The following PLCL2 variants were observed in gnomAD, a reference collection of about 807,000 sequenced individuals.
PLCL2 encodes the protein phospholipase C like 2, also known as inactive phospholipase C-like protein 2.
A neutral mutation model predicts 79.6 loss-of-function variants in PLCL2; 4 were observed. That is an observed-to-expected ratio of 0.05 (90% CI 0.02 to 0.11). PLCL2 has a LOEUF of 0.11. PLCL2 is among the 10% of genes least tolerant of loss of function. The pLI is 1.00. For synonymous variants in PLCL2, 484 were observed against 457.7 expected (o/e 1.06, Z -0.73); for missense variants, 895 against 1,291.0 (o/e 0.69, Z 4.70).
chr3:17,016,784 T>C (rs540905445), intron 3 of PLCL2, among the ~76,000 whole-genome samples: 1 of 149,510 alleles, frequency 6.7e-6, no homozygotes, highest in South Asian at 2.1e-4. Flanking sequence ...TTATAAACGC[T>C]TTTTAAGCAT....
At chr3:17,051,474 A>G (rs1407393374) in intron 4 of PLCL2, among the ~76,000 whole-genome samples, 1 of 152,228 alleles carries the variant, frequency 6.6e-6, no homozygotes, top group African/African-American at 2.4e-5. Context: ...ATTTAAAAAA[A>G]CCATTGAGGA....
intron 1 of PLCL2, among the ~76,000 whole-genome samples, chr3:16,989,888 A>G (rs1421789778): frequency 6.6e-6 from 1 of 152,224 alleles, no homozygotes; most frequent in Non-Finnish European, 1.5e-5. Context: ...AATAGTAGTA[A>G]TGCTGAAACC....
At chr3:17,024,650 A>G (rs2064495016) in intron 3 of PLCL2, among the ~76,000 whole-genome samples, 1 of 152,198 alleles carries the variant, frequency 6.6e-6, no homozygotes, top group South Asian at 2.1e-4. Flanking sequence ...CATGTGTGGT[A>G]ATTTGTATGT....
At chr3:16,938,373 T>C (rs1254491139) in intron 1 of PLCL2, among the ~76,000 whole-genome samples, 1 of 152,190 alleles carries the variant, frequency 6.6e-6, no homozygotes, top group African/African-American at 2.4e-5. Context: ...AGTAGTATTA[T>C]AGAAAACAAG....
chr3:16,895,122 T>TTCAACATATATCTATATC (rs1696448010), intron 1 of PLCL2, among the ~76,000 whole-genome samples: 5 of 152,040 alleles, frequency 3.3e-5, no homozygotes, highest in Admixed American at 6.5e-5. Context: ...AGATATATGT[T>TTCAACATATATCTATATC]GAAACATGTA....
rs750784609 is a variant in PLCL2, at chr3:17,010,994, G to A, written c.1648G>A (p.Val550Ile). 6.2e-7 allele frequency: 1 copy of A among 1,613,914 alleles called. No homozygotes were observed. The highest frequency in any genetic ancestry group is 1.7e-5 in the Admixed American group (1 of 60,006). Reference protein sequence around the residue: ...GDKLYTTSPNVEESYLPSPDV... With the variant: ...GDKLYTTSPNIEESYLPSPDV... ...CAAGCTCTATACAACATCACCCAAT[G>A]TTGAGGAATCTTATCTACCATCCCC... Residue 550 changes from valine (V) to isoleucine (I), a missense_variant, in exon 2 of 6, where the codon GTT becomes ATT. This residue lies in a region of PLCL2 where 242 missense variants were observed against 399.5 expected (regional missense o/e 0.61). Transcript: ENST00000615277. This position sits in a 1 kb window ranked among gnomAD's most constrained non-coding sequence, Gnocchi z 5.8.
At chr3:17,084,464 A>C (rs2065195566) in intron 5 of PLCL2, among the ~76,000 whole-genome samples, 1 of 152,224 alleles carries the variant, frequency 6.6e-6, no homozygotes, top group South Asian at 2.1e-4. Flanking sequence ...ACCAAACCAA[A>C]GACATTACAA....
At chr3:17,075,359 A>G (rs2065098889) in intron 5 of PLCL2, among the ~76,000 whole-genome samples, 1 of 152,184 alleles carries the variant, frequency 6.6e-6, no homozygotes, top group African/African-American at 2.4e-5. Context: ...TGGTGCCCCA[A>G]AATAATTAGT....
At chr3:16,959,195 T>C (rs1230148542) in intron 1 of PLCL2, among the ~76,000 whole-genome samples, 1 of 152,200 alleles carries the variant, frequency 6.6e-6, no homozygotes, top group Non-Finnish European at 1.5e-5. Context: ...CAGGCTTCCC[T>C]GTTGTAATAT....
At chr3:17,018,638 T>TCATA (rs2064412049) in intron 3 of PLCL2, among the ~76,000 whole-genome samples, 1 of 152,218 alleles carries the variant, frequency 6.6e-6, no homozygotes, top group South Asian at 2.1e-4. Context: ...CATGATTATA[T>TCATA]CATACATCAT....
At chr3:16,994,934 G>T (rs1246640595) in intron 1 of PLCL2, among the ~76,000 whole-genome samples, 1 of 152,260 alleles carries the variant, frequency 6.6e-6, no homozygotes, top group African/African-American at 2.4e-5. Context: ...GAGTATGGAA[G>T]AGGCAAGAGC....
intron 3 of PLCL2, among the ~76,000 whole-genome samples, chr3:17,034,335 C>T (rs1404710077): frequency 6.6e-6 from 1 of 151,592 alleles, no homozygotes; most frequent in African/African-American, 2.4e-5. Context: ...GCTCTGGCCA[C>T]CTTTGATAAG....
intron 1 of PLCL2, among the ~76,000 whole-genome samples, chr3:17,001,588 A>C (rs1397641483): frequency 6.6e-6 from 1 of 152,148 alleles, no homozygotes; most frequent in Non-Finnish European, 1.5e-5. Flanking sequence ...TGGTTTTCCT[A>C]GCACTGTTTA....
At chr3:17,069,733 C>A (rs1016210639) in intron 5 of PLCL2, among the ~76,000 whole-genome samples, 4 of 152,160 alleles carry the variant, frequency 2.6e-5, no homozygotes, top group African/African-American at 9.7e-5. Flanking sequence ...AGGTATCTTC[C>A]AAAGCTAGTC....
chr3:16,961,839 A>T (rs1243390830), intron 1 of PLCL2, among the ~76,000 whole-genome samples: 1 of 152,174 alleles, frequency 6.6e-6, no homozygotes, highest in East Asian at 1.9e-4. Context: ...CCCAGGACCC[A>T]AGGGGGCAAA....
At chr3:16,951,298 T>C (rs954040803) in intron 1 of PLCL2, among the ~76,000 whole-genome samples, 1 of 152,152 alleles carries the variant, frequency 6.6e-6, no homozygotes, top group African/African-American at 2.4e-5. Context: ...TTAATTTTGG[T>C]AATTATATCT....
chr3:17,014,896 A>G lies in PLCL2; in HGVS notation c.3003A>G (p.Val1001=). The G allele has an allele frequency of 5.0e-6, 8 of 1,613,884 alleles. No individual in the cohort carries two copies. Among genetic ancestry groups the G allele is most frequent in the Non-Finnish European group, 6.8e-6 (8 of 1,179,828 alleles). The part of the protein sequence containing the change: ...GIVPEVLKKI[V]TTYDMMIQSL... ...TGCCGGAGGTTCTGAAGAAGATCGT[A>G]ACAACTTATGACATGGTGAGTTGTC... Residue 1001 remains valine (V), a synonymous_variant, in exon 3 of 6, where the codon GTA becomes GTG. Coordinates refer to ENST00000615277, the MANE Select transcript of PLCL2 (RefSeq NM_001144382.2).
intron 1 of PLCL2, among the ~76,000 whole-genome samples, chr3:16,982,717 A>G (rs1469011336): frequency 6.6e-6 from 1 of 152,204 alleles, no homozygotes; most frequent in African/African-American, 2.4e-5. Flanking sequence ...CTCCTGCGTC[A>G]TAGCCAAATT....
rs958797430 is a variant in PLCL2 at position 17,064,645 on chromosome 3, T to C, written c.3095-3311T>C. ...CAATCAATATATGCTTCAAATTAGT[T>C]GATTAGCAAAATCCACTGTGGTGGA... is the stretch of plus-strand genomic sequence containing the variant. On this transcript the variant is annotated intron_variant, in intron 4 of 5. Transcript: ENST00000615277. Among the ~76,000 whole-genome samples the C allele has an allele frequency of 3.9e-5, 6 of 152,082 alleles. No individual in the cohort carries two copies. In the South Asian group the frequency reaches 6.2e-4, roughly 16 times the overall value.
Sources: allele counts gnomAD v4.1 joint callset (sites outside exome capture counted in the v4.1 genomes callset), GRCh38; gene constraint gnomAD v4.1.1; regional missense constraint gnomAD v4.1.1; non-coding constraint Gnocchi (gnomAD v3.1); transcripts MANE v1.5; gene names NCBI Gene and HGNC (gene_info 2026-07-23, HGNC 2026-07-21).